HSPA4L: variants seen among roughly 807,000 people sequenced by gnomAD.
HSPA4L encodes heat shock 70 kDa protein 4L.
HSPA4L carries 48 observed loss-of-function variants against 100.3 expected under a neutral mutation model. That is an observed-to-expected ratio of 0.48 (90% confidence interval 0.38 to 0.61). HSPA4L has a LOEUF of 0.61. Ranked by LOEUF, HSPA4L falls within the 20% of genes least tolerant of loss-of-function variation. The pLI is 0.00. For synonymous variants in HSPA4L, 319 were observed against 328.2 expected, an observed-to-expected ratio of 0.97 and a Z score of 0.30; for missense variants, 886 against 988.6, an observed-to-expected ratio of 0.90 and a Z score of 1.39.
chr4:127,830,702 C>A lies in HSPA4L; in HGVS notation c.2231C>A (p.Ala744Asp). The A allele has an allele frequency of 6.2e-7, 1 of 1,609,364 alleles. No homozygotes were observed. Among genetic ancestry groups the A allele is most frequent in the Non-Finnish European group, 8.5e-7 (1 of 1,177,574 alleles). The change falls in exon 18 of 19, where the codon GCC (alanine) becomes GAC (aspartate). Residue 744 changes from alanine to aspartate, a missense_variant. Transcript: ENST00000296464. ...MEKVEKCISDAMSWLNSKMNA... is the reference protein window; with the variant it reads ...MEKVEKCISDDMSWLNSKMNA... ...AAGGTTGAAAAATGTATCAGTGATG[C>A]CATGAGTTGGCTGAATAGTAAGATG... is the stretch of plus-strand genomic sequence containing the variant.
chr4:127,801,458 CGTGT>C (rs33966471), intron 5 of HSPA4L, among the ~76,000 whole-genome samples: 6,303 of 144,664 alleles, frequency 0.044, 178 homozygotes, highest in African/African-American at 0.079. Flanking sequence ...TATAAAAATA[CGTGT>C]GTGTGTGTGT....
At chr4:127,822,702 T>G in intron 14 of HSPA4L, 67 bp from the exon 15 acceptor site, 1 of 1,472,642 alleles carries the variant, frequency 6.8e-7, no homozygotes. Flanking sequence ...AGTGGTATCT[T>G]GTGGTTTTGA....
rs143176767 is a variant in HSPA4L, at chr4:127,807,683, G to T, written c.1245-313G>T. Among the ~76,000 whole-genome samples, 105 of 152,070 alleles carry T rather than the reference G, an allele frequency of 6.9e-4. 1 individual carries two copies. The highest frequency in any genetic ancestry group is 1.3e-3 in the Non-Finnish European group (91 of 67,934). ...GTGGCAAGTATTTTAGAAGTTAATG[G>T]GTAGGACTTGGCCCTCATATGTGAG... On this transcript the variant is annotated intron_variant, in intron 10 of 18. Coordinates refer to ENST00000296464, the MANE Select transcript of HSPA4L (RefSeq NM_014278.4).
intron 3 of HSPA4L, 83 bp from the exon 4 acceptor site, chr4:127,798,504 T>A (rs1283330677): frequency 8.2e-6 from 11 of 1,335,706 alleles, no homozygotes; most frequent in Non-Finnish European, 1.2e-5. Flanking sequence ...ATTGTATGTC[T>A]ATCACATATA....
chr4:127,823,701 G>A (rs1224498896), intron 16 of HSPA4L, 77 bp downstream of exon 16: 15 of 790,776 alleles, frequency 1.9e-5, no homozygotes, highest in Admixed American at 8.1e-5. Flanking sequence ...CACAGTTTAT[G>A]TTCTATTAAT....
chr4:127,825,008 C>T (rs539066987), intron 16 of HSPA4L, among the ~76,000 whole-genome samples: 15 of 151,816 alleles, frequency 9.9e-5, no homozygotes, highest in Admixed American at 2.6e-4. Context: ...AGCGTGGTGG[C>T]GGGCACCTGT....
intron 8 of HSPA4L, among the ~76,000 whole-genome samples, chr4:127,804,354 C>T (rs1733286300): frequency 6.6e-6 from 1 of 151,736 alleles, no homozygotes; most frequent in Non-Finnish European, 1.5e-5. Flanking sequence ...GCCTGTAATC[C>T]CAGCACTTTG....
At chr4:127,831,847 A>T (rs1038468677) in intron 18 of HSPA4L, among the ~76,000 whole-genome samples, 9 of 151,648 alleles carry the variant, frequency 5.9e-5, no homozygotes, top group African/African-American at 1.9e-4. Context: ...GGGATATGTG[A>T]TTTTTTTTCT....
chr4:127,798,140 A>G (rs999080952), intron 3 of HSPA4L, among the ~76,000 whole-genome samples: 2 of 152,172 alleles, frequency 1.3e-5, no homozygotes, highest in Non-Finnish European at 2.9e-5. Flanking sequence ...ACATAAACAC[A>G]TTGTGCTGCT....
chr4:127,783,650 G>A, intron 1 of HSPA4L: 2 of 1,535,200 alleles, frequency 1.3e-6, no homozygotes, highest in South Asian at 1.2e-5. Context: ...GAAACCAACT[G>A]TATGAAACCT....
intron 3 of HSPA4L, 95 bp from the exon 4 acceptor site, chr4:127,798,492 C>T: frequency 1.7e-6 from 2 of 1,207,458 alleles, no homozygotes; most frequent in Non-Finnish European, 2.3e-6. Context: ...TGTCTTTTTC[C>T]CATTGTATGT....
intron 13 of HSPA4L, among the ~76,000 whole-genome samples, chr4:127,818,744 T>C (rs916944574): frequency 6.6e-6 from 1 of 151,358 alleles, no homozygotes; most frequent in Non-Finnish European, 1.5e-5. Flanking sequence ...AGGTGGAGGG[T>C]GGAGGAGGGA....
intron 10 of HSPA4L, 149 bp downstream of exon 10, chr4:127,805,942 A>G: frequency 2.0e-6 from 1 of 496,282 alleles, no homozygotes. Context: ...ATGATATATC[A>G]CCTATAAATC....
At chr4:127,789,704 G>A (rs1407461771) in intron 1 of HSPA4L, among the ~76,000 whole-genome samples, 1 of 151,688 alleles carries the variant, frequency 6.6e-6, no homozygotes, top group Non-Finnish European at 1.5e-5. Context: ...TTTCTAAATA[G>A]TAGTTGAAAT....
At chr4:127,787,732 G>A (rs187397866) in intron 1 of HSPA4L, among the ~76,000 whole-genome samples, 2 of 151,984 alleles carry the variant, frequency 1.3e-5, no homozygotes, top group Admixed American at 1.3e-4. Flanking sequence ...TATTTTGCTA[G>A]CGACATATAA....
At chr4:127,809,303 G>A in intron 11 of HSPA4L, 8 of 1,212,218 alleles carry the variant, frequency 6.6e-6, no homozygotes, top group Non-Finnish European at 9.8e-6. Context: ...TTGCACTCTC[G>A]AGACCCTGTC....
rs758883663 is a variant in HSPA4L, at chr4:127,801,888, G to A, written c.633G>A (p.Leu211=). ...TGGGACATTCTGCCTATCAGGTCTT[G>A]GTTTGTGCTTTTAACAAAGGAAAAC... The part of the protein sequence containing the change: ...IDMGHSAYQV[L]VCAFNKGKLK... Residue 211 remains leucine, a synonymous_variant, in exon 6 of 19, where the codon TTG becomes TTA. Transcript: ENST00000296464. The A allele has an allele frequency of 1.2e-5, 20 of 1,603,932 alleles. No individual in the cohort carries two copies. The highest frequency in any genetic ancestry group is 3.4e-5 in the Admixed American group (2 of 58,006).
chr4:127,810,463 C>G (rs1422365447), intron 11 of HSPA4L, among the ~76,000 whole-genome samples: 1 of 152,100 alleles, frequency 6.6e-6, no homozygotes, highest in Non-Finnish European at 1.5e-5. Flanking sequence ...AAGGTATCTC[C>G]AAATACAGTC....
rs1733269741 is a variant in HSPA4L at position 127,803,884 on chromosome 4, T to G, written c.908+11T>G. 1 of 1,611,386 alleles carries G rather than the reference T, an allele frequency of 6.2e-7. No homozygotes were observed. The highest frequency in any genetic ancestry group is 8.5e-7 in the Non-Finnish European group (1 of 1,178,586). On this transcript the variant is annotated intron_variant, in intron 7 of 18. Coordinates refer to ENST00000296464, the MANE Select transcript of HSPA4L (RefSeq NM_014278.4). ...TAGTAAAATGAACAGGTACCACGTA[T>G]GTTTTTAGTTTGAAAAGTGTTTACT... is the stretch of plus-strand genomic sequence containing the variant.
Sources: gnomAD v4.1 joint callset for allele counts (sites outside exome capture counted in the v4.1 genomes callset) on GRCh38, gnomAD v4.1.1 for gene constraint, MANE v1.5 for transcripts, NCBI Gene and HGNC (gene_info 2026-07-23, HGNC 2026-07-21) for gene names.